Variants in ATAD2B observed in about 807,000 individuals in gnomAD.
ATAD2B encodes the protein ATPase family AAA domain-containing protein 2B.
In ATAD2B, 40 loss-of-function variants were observed where a neutral mutation model predicts 167.6. The ratio of observed to expected loss-of-function variants is 0.24; its 90% CI spans 0.19 to 0.31. The LOEUF (loss-of-function observed/expected upper bound fraction) is 0.31. ATAD2B is among the 10% of genes least tolerant of loss of function. The pLI, the probability that ATAD2B is intolerant of heterozygous loss-of-function variation, is 1.00. For synonymous variants in ATAD2B, 579 were observed against 596.5 expected, an observed-to-expected ratio of 0.97 and a Z score of 0.43; for missense variants, 1,242 against 1,757.2, an observed-to-expected ratio of 0.71 and a Z score of 5.24.
intron 19 of ATAD2B, among the ~76,000 whole-genome samples, chr2:23,795,135 T>C (rs1191824005): frequency 2.0e-5 from 3 of 152,148 alleles, no homozygotes; most frequent in Non-Finnish European, 2.9e-5. Flanking sequence ...ATGATAGTTA[T>C]TTATTATGGA....
intron 4 of ATAD2B, among the ~76,000 whole-genome samples, chr2:23,886,692 G>A (rs1032185489): frequency 6.6e-6 from 1 of 152,174 alleles, no homozygotes; most frequent in African/African-American, 2.4e-5. Context: ...AGCACTTTGG[G>A]AGGCAGAGGC....
At chr2:23,771,832 A>T (rs1260042980) in intron 22 of ATAD2B, among the ~76,000 whole-genome samples, 1 of 152,200 alleles carries the variant, frequency 6.6e-6, no homozygotes, top group Non-Finnish European at 1.5e-5. Flanking sequence ...TTAGTTAAAC[A>T]CTAGGGTAGG....
chr2:23,753,576 A>G (rs904975243), intron 27 of ATAD2B, among the ~76,000 whole-genome samples: 2 of 152,172 alleles, frequency 1.3e-5, no homozygotes, highest in Non-Finnish European at 2.9e-5. Flanking sequence ...ATAGAAGCTC[A>G]TATTTATACA....
chr2:23,823,376 T>G lies in ATAD2B; in HGVS notation c.2013A>C (p.Ser671=). 6.2e-7 allele frequency: 1 copy of G among 1,613,974 alleles called. No individual in the cohort carries two copies. The change falls in exon 16 of 28, where the codon TCA becomes TCC. Residue 671 remains serine (S), a synonymous_variant. Transcript: ENST00000238789. ...TTATGATGGGGGATAGTGCATGCCC[T>G]GAAGACATCACAGCACGTTGGGAAG... ...VPASQRAVMS[S]GHALSPIIRP...
chr2:23,748,778 T>C lies in ATAD2B; in HGVS notation c.*3268A>G, dbSNP rs1276385261. The C allele has an allele frequency of 6.6e-6, 1 of 152,144 alleles. No individual in the cohort carries two copies. Among genetic ancestry groups the C allele is most frequent in the Non-Finnish European group, 1.5e-5 (1 of 68,002 alleles). The allele number at this position is 152,144 out of a possible 1,614,324, so 9.4% of individuals were successfully genotyped here. ...ATAATTTACTTCAACTAATGTCAAATGAAGTCAAATGCAAAACATCAATTT... is the reference window on the plus strand; with the variant it reads ...ATAATTTACTTCAACTAATGTCAAACGAAGTCAAATGCAAAACATCAATTT... On this transcript the variant is annotated 3_prime_UTR_variant, in exon 28 of 28. Coordinates refer to ENST00000238789, the MANE Select transcript of ATAD2B (RefSeq NM_017552.4).
intron 1 of ATAD2B, among the ~76,000 whole-genome samples, chr2:23,919,014 T>C (rs772626770): frequency 2.0e-4 from 31 of 152,298 alleles, no homozygotes; most frequent in Middle Eastern, 6.8e-3. Context: ...CTTCTCCTTA[T>C]TAGGGCAAAA....
At chr2:23,925,950 A>G (rs866808281) in intron 1 of ATAD2B, among the ~76,000 whole-genome samples, 2 of 152,172 alleles carry the variant, frequency 1.3e-5, no homozygotes, top group African/African-American at 2.4e-5. Flanking sequence ...TTCCCCAGCT[A>G]TAATATCATG....
intron 6 of ATAD2B, among the ~76,000 whole-genome samples, chr2:23,882,169 G>A (rs1698005142): frequency 2.0e-5 from 3 of 152,056 alleles, no homozygotes; most frequent in East Asian, 3.9e-4. Flanking sequence ...AGTTCAGCCT[G>A]GGGCAACATA....
intron 23 of ATAD2B, 28 bp downstream of exon 23, chr2:23,765,478 C>T (rs1176491568): frequency 1.3e-6 from 2 of 1,589,134 alleles, no homozygotes; most frequent in African/African-American, 2.7e-5. Context: ...CACTAGGCTT[C>T]AGTACCAAGT....
the ATAD2B span, among the ~76,000 whole-genome samples, chr2:23,710,595 A>G: frequency 6.6e-6 from 1 of 152,240 alleles, no homozygotes; most frequent in Non-Finnish European, 1.5e-5. Context: ...GGAAATCATA[A>G]AACTATGAGA....
chr2:23,693,549 C>T, the ATAD2B span: 34 of 1,537,326 alleles, frequency 2.2e-5, no homozygotes, highest in African/African-American at 2.7e-5. Context: ...CCCTGTCCCC[C>T]GCCCCTTCTC....
intron 22 of ATAD2B, among the ~76,000 whole-genome samples, chr2:23,782,039 A>T (rs1425496719): frequency 6.6e-6 from 1 of 152,028 alleles, no homozygotes; most frequent in African/African-American, 2.4e-5. Context: ...TGGCCTGCTA[A>T]CTCCTGAGGT....
chr2:23,719,000 G>A, the ATAD2B span, among the ~76,000 whole-genome samples: 54 of 152,268 alleles, frequency 3.5e-4, no homozygotes, highest in African/African-American at 1.3e-3. Flanking sequence ...CATCTGCAAA[G>A]TCCCCTTTAC....
At position 23,888,384 on chromosome 2, in the gene ATAD2B, A is replaced by G; in HGVS notation, c.384T>C (p.Pro128=). 6.3e-7 allele frequency: 1 copy of G among 1,591,838 alleles called. No individual in the cohort carries two copies. The highest frequency in any genetic ancestry group is 8.6e-7 in the Non-Finnish European group (1 of 1,169,460). Residue 128 remains proline (P), a synonymous_variant, in exon 3 of 28, where the codon CCT becomes CCC. Transcript: ENST00000238789. ...STGQARLTSQ[P]GATLPNGHSG... ...TATGTCCATTTGGTAATGTAGCACC[A>G]GGCTGAGAAGTTAACCTAGAACACA...
At chr2:23,910,173 CTTTTT>C (rs756806271) in intron 1 of ATAD2B, among the ~76,000 whole-genome samples, 1 of 106,898 alleles carries the variant, frequency 9.4e-6, no homozygotes, top group African/African-American at 3.7e-5. Context: ...CTTGCATACT[CTTTTT>C]TTTTTTTTTT....
intron 1 of ATAD2B, among the ~76,000 whole-genome samples, chr2:23,910,948 C>T (rs1265296236): frequency 2.7e-5 from 4 of 149,622 alleles, no homozygotes; most frequent in Admixed American, 6.7e-5. Context: ...TAACATAGGC[C>T]GGGTGCAGCA....
chr2:23,785,996 C>T (rs746672529), intron 21 of ATAD2B, 31 bp downstream of exon 21: 1 of 1,544,184 alleles, frequency 6.5e-7, no homozygotes, highest in East Asian at 2.3e-5. Flanking sequence ...GCCAGTTCAA[C>T]TTCACTGTTT....
chr2:23,907,976 AC>A (rs1701735116), intron 1 of ATAD2B, among the ~76,000 whole-genome samples: 1 of 152,124 alleles, frequency 6.6e-6, no homozygotes, highest in Non-Finnish European at 1.5e-5. Flanking sequence ...TACACCTTAT[AC>A]AAAAATCAAT....
chr2:23,732,518 T>A, the ATAD2B span, among the ~76,000 whole-genome samples: 1 of 152,238 alleles, frequency 6.6e-6, no homozygotes, highest in Non-Finnish European at 1.5e-5. Flanking sequence ...AGTGGTTACA[T>A]CTTATAAATT....
Sources: allele counts gnomAD v4.1 joint callset (sites outside exome capture counted in the v4.1 genomes callset), GRCh38; gene constraint gnomAD v4.1.1; transcripts MANE v1.5; gene names NCBI Gene and HGNC (gene_info 2026-07-23, HGNC 2026-07-21).